Variants in CNTNAP5 observed in about 807,000 individuals in gnomAD.
The protein encoded by CNTNAP5 is contactin-associated protein-like 5.
Under a neutral mutation model 150.2 loss-of-function variants are expected in CNTNAP5, and 72 were observed. The observed-to-expected ratio is 0.48, with a 90% CI of 0.40 to 0.58. CNTNAP5 has a LOEUF of 0.58. CNTNAP5 is among the 20% of genes least tolerant of loss of function. CNTNAP5 has a pLI of 0.00. For synonymous variants in CNTNAP5, 672 were observed against 619.8 expected, an observed-to-expected ratio of 1.08 and a Z score of -1.25; for missense variants, 1,636 against 1,626.2, an observed-to-expected ratio of 1.01 and a Z score of -0.10.
At chr2:124,102,808 G>T (rs1261628550) in intron 1 of CNTNAP5, among the ~76,000 whole-genome samples, 1 of 152,190 alleles carries the variant, frequency 6.6e-6, no homozygotes, top group African/African-American at 2.4e-5. Flanking sequence ...GATGTTGTGA[G>T]GATAAATGAG....
chr2:124,474,469 A>C (rs189786400), intron 6 of CNTNAP5, among the ~76,000 whole-genome samples: 2 of 152,108 alleles, frequency 1.3e-5, no homozygotes, highest in African/African-American at 4.8e-5. Context: ...CTCCTTCTGT[A>C]AATTATTGTT....
rs1553433616 is a variant in CNTNAP5, at chr2:124,707,039, A to AAGAAGAAGAAGAAGG, written c.2078-40188_2078-40187insAAGAAGAAGAAGGAG. On this transcript the variant is annotated intron_variant, in intron 13 of 23. Transcript: ENST00000682447. ...GGAGGAGAAGAAGAAGAAGAAGAAG[A>AAGAAGAAGAAGAAGG]AGGAGGAGGAGGAGGAGGAGGAGAG... 7.6e-4 allele frequency among the ~76,000 whole-genome samples: 62 copies of AAGAAGAAGAAGAAGG among 82,010 alleles called. 3 individuals are homozygous for AAGAAGAAGAAGAAGG. Among genetic ancestry groups the AAGAAGAAGAAGAAGG allele is most frequent in the African/African-American group, 2.2e-3 (56 of 24,910 alleles). The allele number at this position is 82,010 out of a possible 152,430, so 53.8% of individuals were successfully genotyped here. A position where few individuals can be genotyped will look rare whatever the true frequency, so the allele number is the denominator to read the frequency against.
chr2:124,400,177 G>C (rs149468897), intron 3 of CNTNAP5, among the ~76,000 whole-genome samples: 2 of 151,922 alleles, frequency 1.3e-5, no homozygotes, highest in African/African-American at 4.8e-5. Flanking sequence ...AGGATTTATG[G>C]GCCACCTGTT....
chr2:124,398,736 T>C (rs2565751), intron 3 of CNTNAP5, among the ~76,000 whole-genome samples: 108,189 of 152,032 alleles, frequency 0.71, 39,520 homozygotes, highest in East Asian at 0.9. Context: ...CTGCCTTGGC[T>C]TCCCAAAATG....
intron 1 of CNTNAP5, among the ~76,000 whole-genome samples, chr2:124,033,170 A>G (rs756860504): frequency 6.6e-6 from 1 of 152,198 alleles, no homozygotes; most frequent in South Asian, 2.1e-4. Context: ...GATTAATGCC[A>G]TCTGTTCACA....
chr2:124,537,096 G>T (rs1453357115), intron 10 of CNTNAP5, among the ~76,000 whole-genome samples: 2 of 152,050 alleles, frequency 1.3e-5, no homozygotes, highest in African/African-American at 4.8e-5. Context: ...CCACAATGTT[G>T]TGAGGTTAAT....
At chr2:124,194,928 A>G (rs1185524781) in intron 1 of CNTNAP5, among the ~76,000 whole-genome samples, 2 of 152,018 alleles carry the variant, frequency 1.3e-5, no homozygotes, top group Non-Finnish European at 2.9e-5. Context: ...GTCCCAATTC[A>G]GTAAGTAATT....
intron 13 of CNTNAP5, among the ~76,000 whole-genome samples, chr2:124,706,682 G>C (rs937548747): frequency 2.0e-5 from 3 of 151,138 alleles, no homozygotes; most frequent in African/African-American, 7.3e-5. Flanking sequence ...GGGAGGTGGA[G>C]GTTGCAGTGA....
At chr2:124,504,172 T>G in intron 7 of CNTNAP5, 120 bp from the exon 8 acceptor site, 1 of 999,362 alleles carries the variant, frequency 1.0e-6, no homozygotes, top group Non-Finnish European at 1.5e-6. Flanking sequence ...CTTTAAGATC[T>G]TGCCGCTGAA....
chr2:124,329,626 G>A (rs1424271122), intron 3 of CNTNAP5, among the ~76,000 whole-genome samples: 11 of 151,870 alleles, frequency 7.2e-5, no homozygotes, highest in Non-Finnish European at 1.3e-4. Context: ...GTTGGTGGCC[G>A]TGAAGAAAAA....
intron 3 of CNTNAP5, among the ~76,000 whole-genome samples, chr2:124,375,009 A>G (rs1690611333): frequency 1.3e-5 from 2 of 152,162 alleles, no homozygotes; most frequent in Admixed American, 1.3e-4. Context: ...CTAACTTGAT[A>G]TAAATAAATA....
At chr2:124,044,241 T>C (rs1681467960) in intron 1 of CNTNAP5, among the ~76,000 whole-genome samples, 1 of 152,206 alleles carries the variant, frequency 6.6e-6, no homozygotes, top group African/African-American at 2.4e-5. Flanking sequence ...CCCTATATGG[T>C]TAATACCATT....
chr2:124,815,802 A>G (rs1305167749), intron 19 of CNTNAP5, among the ~76,000 whole-genome samples: 1 of 152,036 alleles, frequency 6.6e-6, no homozygotes, highest in Non-Finnish European at 1.5e-5. Flanking sequence ...CCATTTGTAC[A>G]TGGAAAGGTG....
chr2:124,149,443 T>C (rs1335388547), intron 1 of CNTNAP5, among the ~76,000 whole-genome samples: 1 of 140,772 alleles, frequency 7.1e-6, no homozygotes, highest in African/African-American at 2.6e-5. Flanking sequence ...AAAACTCAAC[T>C]TCATTCTGAG....
intron 19 of CNTNAP5, among the ~76,000 whole-genome samples, chr2:124,828,734 G>GAAA (rs1682650062): frequency 3.6e-5 from 1 of 27,500 alleles, no homozygotes; most frequent in African/African-American, 1.4e-4. Context: ...GCAAGTGTTG[G>GAAA]CAAAAAAAAA....
chr2:124,533,702 A>G (rs1025266197), intron 10 of CNTNAP5, among the ~76,000 whole-genome samples: 9 of 152,158 alleles, frequency 5.9e-5, no homozygotes, highest in Non-Finnish European at 1.3e-4. Context: ...TCTGCCTCTG[A>G]GCTTTCCTGA....
At chr2:124,819,772 TAG>T (rs1413655920) in intron 19 of CNTNAP5, among the ~76,000 whole-genome samples, 1 of 152,050 alleles carries the variant, frequency 6.6e-6, no homozygotes, top group Non-Finnish European at 1.5e-5. Flanking sequence ...CATTGAGAAA[TAG>T]AGAGTCTGGG....
intron 13 of CNTNAP5, among the ~76,000 whole-genome samples, chr2:124,696,157 A>C (rs1444742371): frequency 6.6e-6 from 1 of 152,180 alleles, no homozygotes; most frequent in African/African-American, 2.4e-5. Context: ...GGATCCAGAC[A>C]ATGATGGCTG....
chr2:124,293,033 A>G lies in CNTNAP5; in HGVS notation c.381+50640A>G, dbSNP rs533918216. Among the ~76,000 whole-genome samples the G allele has an allele frequency of 1.4e-3, 215 of 152,208 alleles. 2 individuals are homozygous for G. Among genetic ancestry groups the G allele is most frequent in the South Asian group, 9.9e-3 (48 of 4,828 alleles). On this transcript the variant is annotated intron_variant, in intron 3 of 23. Coordinates refer to ENST00000682447, the MANE Select transcript of CNTNAP5 (RefSeq NM_001367498.1). ...TGAATAAGCAAAAAGAATAATTGTTATTTTAGTTTTTAAAAATAATTTTAT... is the reference window on the plus strand; with the variant it reads ...TGAATAAGCAAAAAGAATAATTGTTGTTTTAGTTTTTAAAAATAATTTTAT...
Sources: allele counts gnomAD v4.1 joint callset (sites outside exome capture counted in the v4.1 genomes callset), GRCh38; gene constraint gnomAD v4.1.1; transcripts MANE v1.5; gene names NCBI Gene and HGNC (gene_info 2026-07-23, HGNC 2026-07-21).